The following KDM1B variants were observed in gnomAD, a reference collection of about 807,000 sequenced individuals.
KDM1B encodes lysine-specific histone demethylase 2.
KDM1B carries 63 observed loss-of-function variants against 107.4 expected under a neutral mutation model. That is an observed-to-expected ratio of 0.59 (90% CI 0.48 to 0.72). The LOEUF (loss-of-function observed/expected upper bound fraction) is 0.72, where lower values mean the gene tolerates loss of function less well. Ranked by LOEUF, KDM1B falls within the 30% of genes least tolerant of loss-of-function variation. The pLI, the probability that KDM1B is intolerant of heterozygous loss-of-function variation, is 0.00. For synonymous variants in KDM1B, 363 were observed against 363.9 expected (o/e 1.00, Z 0.03); for missense variants, 749 against 1,020.8 (o/e 0.73, Z 3.63).
At chr6:18,160,927 T>A (rs1460496551) in intron 3 of KDM1B, among the ~76,000 whole-genome samples, 2 of 151,696 alleles carry the variant, frequency 1.3e-5, no homozygotes, top group Non-Finnish European at 1.5e-5. Flanking sequence ...GATTTTTTTT[T>A]ATTTTTAGTA....
chr6:18,169,208 G>A (rs1327135802), intron 6 of KDM1B, among the ~76,000 whole-genome samples: 3 of 148,844 alleles, frequency 2.0e-5, no homozygotes, highest in African/African-American at 7.4e-5. Context: ...TTTTGTAGTT[G>A]AGTTGTAAGA....
chr6:18,215,273 C>T (rs1395574926), intron 20 of KDM1B, 144 bp downstream of exon 20: 5 of 916,072 alleles, frequency 5.5e-6, no homozygotes, highest in Non-Finnish European at 8.0e-6. Flanking sequence ...GTCCCACTGC[C>T]CACCTCAGCA....
At chr6:18,190,526 C>T (rs893717734) in intron 9 of KDM1B, among the ~76,000 whole-genome samples, 6 of 151,432 alleles carry the variant, frequency 4.0e-5, no homozygotes, top group Non-Finnish European at 5.9e-5. Flanking sequence ...GGTGTGAACC[C>T]GGGAGGCGGA....
rs1006558091 is a variant in KDM1B at position 18,223,787 on chromosome 6, A to G, written c.*1795A>G. ...GTAGCAGTAAATATACAGATTTACA[A>G]TGTTTTAACTACAGTTCATGAATAG... is the stretch of plus-strand genomic sequence containing the variant. On this transcript the variant is annotated 3_prime_UTR_variant, in exon 22 of 22. Coordinates refer to ENST00000650836, the MANE Select transcript of KDM1B (RefSeq NM_001364614.2). 6.6e-6 allele frequency: 1 copy of G among 152,232 alleles called. No homozygotes were observed. The highest frequency in any genetic ancestry group is 2.4e-5 in the African/African-American group (1 of 41,468). 9.4% of individuals were successfully genotyped at this position (152,232 alleles called of 1,614,324 possible).
chr6:18,194,977 G>A (rs557938809), intron 10 of KDM1B, among the ~76,000 whole-genome samples: 14 of 152,180 alleles, frequency 9.2e-5, no homozygotes, highest in African/African-American at 2.9e-4. Flanking sequence ...TGGCAACCAC[G>A]AATCTACTCT....
In KDM1B at chr6:18,204,768, G is replaced by C. The variant is rs966344996; in HGVS notation, c.1532-769G>C. On this transcript the variant is annotated intron_variant, in intron 14 of 21. Transcript: ENST00000650836. This position sits in a 1 kb window ranked among gnomAD's most constrained non-coding sequence, Gnocchi z 4.9. Reference sequence around the variant, plus strand: ...AAATTCTGGGGGCTTGCCACGGCCCGGTGATGCCCGACTATAAAGAATGGA... The same window carrying C: ...AAATTCTGGGGGCTTGCCACGGCCCCGTGATGCCCGACTATAAAGAATGGA... Among the ~76,000 whole-genome samples the C allele has an allele frequency of 1.3e-5, 2 of 152,162 alleles. No individual in the cohort carries two copies. The highest frequency in any genetic ancestry group is 2.9e-5 in the Non-Finnish European group (2 of 68,032).
chr6:18,183,511 C>T (rs543515899), intron 7 of KDM1B, among the ~76,000 whole-genome samples: 59 of 151,984 alleles, frequency 3.9e-4, no homozygotes, highest in African/African-American at 1.3e-3. Context: ...CCACCCACCT[C>T]GGCCTCCCAA....
rs900546847 is a variant in KDM1B at position 18,186,865 on chromosome 6, A to G, written c.574-927A>G. Reference sequence around the variant, plus strand: ...TGCCCCTGTGGTTTAATTACCTCCTACCAGCTCCCTGCCATGACACATGGG... The same window carrying G: ...TGCCCCTGTGGTTTAATTACCTCCTGCCAGCTCCCTGCCATGACACATGGG... On this transcript the variant is annotated intron_variant, in intron 8 of 21. Transcript: ENST00000650836. This position sits in a 1 kb window ranked among gnomAD's most constrained non-coding sequence, Gnocchi z 5.6. Among the ~76,000 whole-genome samples the G allele has an allele frequency of 1.3e-5, 2 of 152,072 alleles. No individual in the cohort carries two copies. The highest frequency in any genetic ancestry group is 2.9e-5 in the Non-Finnish European group (2 of 68,012).
chr6:18,168,865 A>G (rs1251060205), intron 6 of KDM1B, among the ~76,000 whole-genome samples: 1 of 151,908 alleles, frequency 6.6e-6, no homozygotes, highest in African/African-American at 2.4e-5. Flanking sequence ...TCCTTTGCCC[A>G]TTTTTGTTTT....
At chr6:18,221,080 G>A (rs950615875) in intron 21 of KDM1B, among the ~76,000 whole-genome samples, 79 of 151,852 alleles carry the variant, frequency 5.2e-4, no homozygotes, top group Admixed American at 2.2e-3. Flanking sequence ...TTCCCTCACT[G>A]CCACTTTCTC....
intron 2 of KDM1B, among the ~76,000 whole-genome samples, chr6:18,158,873 G>A (rs908960277): frequency 1.3e-5 from 2 of 152,170 alleles, no homozygotes; most frequent in Non-Finnish European, 2.9e-5. Context: ...GAAGATACCA[G>A]TGCTTCTATC....
intron 17 of KDM1B, among the ~76,000 whole-genome samples, chr6:18,210,526 TA>T (rs200633295): frequency 1.3e-5 from 2 of 149,926 alleles, no homozygotes; most frequent in African/African-American, 5.0e-5. Flanking sequence ...CTCAGCTAAT[TA>T]AAAATTTTTT....
At chr6:18,194,958 C>T (rs1230079618) in intron 10 of KDM1B, among the ~76,000 whole-genome samples, 1 of 152,176 alleles carries the variant, frequency 6.6e-6, no homozygotes, top group Non-Finnish European at 1.5e-5. Flanking sequence ...TTCTCCTGCT[C>T]TCAGCCCCTG....
Position 18,159,797 on chromosome 6 carries a change from C to T in KDM1B, c.-13-86C>T. On this transcript the variant is annotated intron_variant, in intron 2 of 21. Transcript: ENST00000650836. This position sits in a 1 kb window ranked among gnomAD's most constrained non-coding sequence, Gnocchi z 4.5. ...TTAGGCAATCTGACATACATTCTTA[C>T]CTACCAAAGTGTATAATAACTTGCT... 1.4e-6 allele frequency: 1 copy of T among 693,564 alleles called. No individual in the cohort carries two copies. Among genetic ancestry groups the T allele is most frequent in the South Asian group, 1.8e-5 (1 of 57,074 alleles). 43.0% of individuals were successfully genotyped at this position (693,564 alleles called of 1,614,324 possible).
At chr6:18,190,079 G>A (rs1188670882) in intron 9 of KDM1B, among the ~76,000 whole-genome samples, 1 of 152,060 alleles carries the variant, frequency 6.6e-6, no homozygotes, top group Non-Finnish European at 1.5e-5. Context: ...GAACCTGGGA[G>A]GCGGAGGTTG....
At chr6:18,210,113 A>T (rs1299727638) in intron 17 of KDM1B, among the ~76,000 whole-genome samples, 1 of 152,116 alleles carries the variant, frequency 6.6e-6, no homozygotes, top group Non-Finnish European at 1.5e-5. Context: ...GTTTAAAACA[A>T]ATATTTTTAT....
chr6:18,220,945 T>A (rs1210317152), intron 21 of KDM1B, among the ~76,000 whole-genome samples: 1 of 151,924 alleles, frequency 6.6e-6, no homozygotes, highest in African/African-American at 2.4e-5. Context: ...GAGATGGGGT[T>A]TCATCATGTT....
At chr6:18,188,112 C>T (rs1430617840) in intron 9 of KDM1B, 110 bp downstream of exon 9, 2 of 991,496 alleles carry the variant, frequency 2.0e-6, no homozygotes. Context: ...AGGCTGGGCA[C>T]AGTGGCTCAT....
At position 18,205,041 on chromosome 6, in the gene KDM1B, A is replaced by C. The variant is rs1179418269; in HGVS notation, c.1532-496A>C. On this transcript the variant is annotated intron_variant, in intron 14 of 21. Coordinates refer to ENST00000650836, the MANE Select transcript of KDM1B (RefSeq NM_001364614.2). The surrounding 1 kb of genome is among the most constrained non-coding windows in gnomAD (Gnocchi z 5.7). ...GAGTGCTGACAAGATACAAGCCCAT[A>C]ATGGAATATTCTTGTTTGGGACAGA... Among the ~76,000 whole-genome samples the C allele has an allele frequency of 6.6e-6, 1 of 152,162 alleles. No homozygotes were observed. The highest frequency in any genetic ancestry group is 1.5e-5 in the Non-Finnish European group (1 of 68,024).
Sources: gnomAD v4.1 joint callset for allele counts (sites outside exome capture counted in the v4.1 genomes callset) on GRCh38, gnomAD v4.1.1 for gene constraint, Gnocchi (gnomAD v3.1) non-coding constraint, MANE v1.5 for transcripts, NCBI Gene and HGNC (gene_info 2026-07-23, HGNC 2026-07-21) for gene names.